The following CFAP47 variants were observed in gnomAD, a reference collection of about 807,000 sequenced individuals.
CFAP47 encodes the protein cilia- and flagella-associated protein 47.
A neutral mutation model predicts 148.1 loss-of-function variants in CFAP47; 29 were observed. The ratio of observed to expected loss-of-function variants is 0.20; its 90% CI spans 0.15 to 0.27. The LOEUF is 0.27. CFAP47 is among the 10% of genes least tolerant of loss of function. The probability of loss-of-function intolerance (pLI) is 1.00; values close to 1 mark genes in which losing one functional copy is unlikely to be tolerated. For missense variants in CFAP47, 1,872 were observed against 1,697.5 expected (o/e 1.10, Z -1.81); for synonymous variants, 664 against 577.3 (o/e 1.15, Z -2.15).
In CFAP47 at chrX:35,943,368, C is replaced by T. The variant is rs186475248; in HGVS notation, c.517+1970C>T. Among the ~76,000 whole-genome samples, 262 of 111,783 alleles carry T rather than the reference C, an allele frequency of 2.3e-3. 1 individual carries two copies. The highest frequency in any genetic ancestry group is 3.9e-3 in the Non-Finnish European group (204 of 52,952). On this transcript the variant is annotated intron_variant, in intron 3 of 63. Transcript: ENST00000378653. ...ACACTTGGCAGATTTAACATTTCCA[C>T]ATCTTTGTTTTCTCTCTCTGGTAGT...
At chrX:36,294,926 A>C (rs782502852) in intron 51 of CFAP47, among the ~76,000 whole-genome samples, 1 of 111,354 alleles carries the variant, frequency 9.0e-6, no homozygotes, top group African/African-American at 3.3e-5. Context: ...TGTTTTAATT[A>C]TTTTCAATTT....
At chrX:36,256,055 C>G (rs1222185529) in intron 49 of CFAP47, among the ~76,000 whole-genome samples, 1 of 111,713 alleles carries the variant, frequency 9.0e-6, no homozygotes, top group Non-Finnish European at 1.9e-5. Flanking sequence ...TCTTTTGTAA[C>G]TGTAAAATGA....
chrX:36,227,509 GTAGT>G (rs199630437), intron 45 of CFAP47, among the ~76,000 whole-genome samples: 5,802 of 111,327 alleles, frequency 0.052, 369 homozygotes, highest in African/African-American at 0.18. Flanking sequence ...AGGATTTAGG[GTAGT>G]TAATGTTCTT....
At chrX:36,213,504 T>C (rs1470345367) in intron 45 of CFAP47, among the ~76,000 whole-genome samples, 2 of 111,801 alleles carry the variant, frequency 1.8e-5, no homozygotes, top group African/African-American at 6.5e-5. Flanking sequence ...ATCACTTGTG[T>C]AGTTAATCCA....
intron 61 of CFAP47, among the ~76,000 whole-genome samples, chrX:36,366,185 T>A (rs782074858): frequency 4.5e-5 from 5 of 111,879 alleles, no homozygotes; most frequent in Middle Eastern, 9.2e-3. Flanking sequence ...CACTTTTAAG[T>A]AAGCGGTATG....
At chrX:36,033,111 G>T (rs1937299557) in intron 23 of CFAP47, among the ~76,000 whole-genome samples, 1 of 112,136 alleles carries the variant, frequency 8.9e-6, no homozygotes, top group African/African-American at 3.2e-5. Context: ...CTAATCTACA[G>T]AACTGTGATA....
In CFAP47 at chrX:36,265,211, A is replaced by G. The variant is rs1602078863; in HGVS notation, c.7444+13767A>G. Among the ~76,000 whole-genome samples the G allele has an allele frequency of 2.7e-5, 3 of 111,913 alleles. No individual in the cohort carries two copies. In the East Asian group the frequency reaches 8.4e-4, roughly 31 times the overall value. ...TCTTGATTTGGCTCTGAATTAGGAC[A>G]TTTTCCATGTGTAGAAATGCTACTG... is the stretch of plus-strand genomic sequence containing the variant. On this transcript the variant is annotated intron_variant, in intron 49 of 63. Transcript: ENST00000378653.
intron 35 of CFAP47, chrX:36,144,507 T>A: frequency 1.0e-6 from 1 of 974,320 alleles, no homozygotes; most frequent in African/African-American, 2.0e-5. Context: ...ATATTAGGTG[T>A]CAACTTGACT....
intron 46 of CFAP47, among the ~76,000 whole-genome samples, chrX:36,231,472 G>C (rs1233538437): frequency 1.8e-5 from 2 of 110,180 alleles, no homozygotes; most frequent in Non-Finnish European, 3.8e-5. Flanking sequence ...TGTATCCTGA[G>C]ACTTTGCTGA....
chrX:36,063,909 G>A (rs751309410), intron 26 of CFAP47, among the ~76,000 whole-genome samples: 8 of 112,157 alleles, frequency 7.1e-5, no homozygotes, highest in African/African-American at 2.3e-4. Context: ...AATTTTTGTT[G>A]TGATTGGGGT....
At chrX:36,073,613 T>C (rs1032674998) in intron 29 of CFAP47, among the ~76,000 whole-genome samples, 1 of 110,789 alleles carries the variant, frequency 9.0e-6, no homozygotes, top group African/African-American at 3.3e-5. Flanking sequence ...GCACTGAACA[T>C]CTCTGAACCT....
chrX:36,076,820 T>C (rs1046950509), intron 29 of CFAP47, among the ~76,000 whole-genome samples: 2 of 110,912 alleles, frequency 1.8e-5, no homozygotes, highest in Non-Finnish European at 1.9e-5. Flanking sequence ...CCAAGGCCAA[T>C]GTCCAGAATG....
At chrX:36,337,022 C>A (rs1200818219) in intron 57 of CFAP47, among the ~76,000 whole-genome samples, 1 of 112,123 alleles carries the variant, frequency 8.9e-6, no homozygotes, top group African/African-American at 3.2e-5. Context: ...TTCCACCCAA[C>A]TTAGCTCAGG....
chrX:36,097,308 G>T (rs1212960241), intron 30 of CFAP47, among the ~76,000 whole-genome samples: 1 of 110,876 alleles, frequency 9.0e-6, no homozygotes, highest in Non-Finnish European at 1.9e-5. Context: ...TAATCTGTGG[G>T]TTTTTTTGTG....
chrX:35,931,585 T>G (rs1386968474), intron 2 of CFAP47, among the ~76,000 whole-genome samples: 1 of 111,780 alleles, frequency 8.9e-6, no homozygotes, highest in African/African-American at 3.3e-5. Flanking sequence ...ATTGTTCTCT[T>G]TGTTTCTCAT....
chrX:36,199,644 T>C (rs1362472087), intron 42 of CFAP47, among the ~76,000 whole-genome samples: 9 of 111,795 alleles, frequency 8.1e-5, no homozygotes, highest in African/African-American at 2.9e-4. Flanking sequence ...CTCCCTGATT[T>C]ATAGAAATAA....
At chrX:36,246,366 G>A (rs983506203) in intron 48 of CFAP47, among the ~76,000 whole-genome samples, 3 of 111,516 alleles carry the variant, frequency 2.7e-5, no homozygotes, top group African/African-American at 6.5e-5. Context: ...ATGGCATACC[G>A]TCTGTATTAG....
intron 29 of CFAP47, among the ~76,000 whole-genome samples, chrX:36,084,159 G>T (rs1290050910): frequency 9.0e-6 from 1 of 110,650 alleles, no homozygotes. Flanking sequence ...TTGTTCCATG[G>T]CAAAATTATC....
intron 1 of CFAP47, among the ~76,000 whole-genome samples, chrX:35,924,167 ATG>A (rs1242188593): frequency 5.4e-4 from 51 of 94,311 alleles, no homozygotes; most frequent in East Asian, 1.7e-3. Context: ...ATATGTATAT[ATG>A]TACATGTATG....
Sources: allele counts gnomAD v4.1 joint callset (sites outside exome capture counted in the v4.1 genomes callset), GRCh38; gene constraint gnomAD v4.1.1; transcripts MANE v1.5; gene names NCBI Gene and HGNC (gene_info 2026-07-23, HGNC 2026-07-21).